TMEM131L: variants seen among roughly 807,000 people sequenced by gnomAD.
TMEM131L encodes the protein transmembrane 131 like.
TMEM131L carries 54 observed loss-of-function variants against 192.2 expected under a neutral mutation model. That is an observed-to-expected ratio of 0.28 (90% confidence interval 0.23 to 0.35). TMEM131L has a LOEUF of 0.35. Ranked by LOEUF, TMEM131L falls within the 10% of genes least tolerant of loss-of-function variation. TMEM131L has a pLI of 1.00. For synonymous variants in TMEM131L, 701 were observed against 704.9 expected (o/e 0.99, Z 0.09); for missense variants, 1,888 against 1,972.9 (o/e 0.96, Z 0.82).
rs780461411 is a variant in TMEM131L, at chr4:153,580,856, G to C, written c.691G>C (p.Val231Leu). The C allele has an allele frequency of 5.6e-6, 9 of 1,612,614 alleles. No individual in the cohort carries two copies. In the Admixed American group the frequency reaches 1.5e-4, roughly 27 times the overall value. Residue 231 changes from valine to leucine, a missense_variant, in exon 8 of 35, where the codon GTG becomes CTG. Transcript: ENST00000409959. ...AETTNTSLLQVQLECSLHNKV... is the reference protein window; with the variant it reads ...AETTNTSLLQLQLECSLHNKV... ...AACCACTAATACTAGCCTCTTGCAG[G>C]TGCAACTGGAATGCAGTTTACATAA... is the stretch of plus-strand genomic sequence containing the variant.
chr4:153,620,884 C>A lies in TMEM131L; in HGVS notation c.3692+4C>A. 1 of 1,573,886 alleles carries A rather than the reference C, an allele frequency of 6.4e-7. No homozygotes were observed. Among genetic ancestry groups the A allele is most frequent in the Non-Finnish European group, 8.6e-7 (1 of 1,166,476 alleles). The stretch of plus-strand genomic sequence containing the variant: ...GGGGTGTTGCTCCAGTCTCAAGGTG[C>A]GTAATTCTTACTATCTCTAATATTT... On this transcript the variant is annotated splice_donor_region_variant and intron_variant, in intron 27 of 34. Coordinates refer to ENST00000409959, the MANE Select transcript of TMEM131L (RefSeq NM_001131007.2).
intron 3 of TMEM131L, among the ~76,000 whole-genome samples, chr4:153,549,869 T>C (rs1014520378): frequency 3.9e-5 from 6 of 152,246 alleles, no homozygotes; most frequent in African/African-American, 1.4e-4. Flanking sequence ...TGATATGAAG[T>C]TCTACTAACC....
intron 25 of TMEM131L, among the ~76,000 whole-genome samples, chr4:153,607,868 G>T (rs1732347612): frequency 6.6e-6 from 1 of 152,230 alleles, no homozygotes; most frequent in African/African-American, 2.4e-5. Context: ...GTGATGGGCA[G>T]ATCACTTGAG....
intron 7 of TMEM131L, among the ~76,000 whole-genome samples, chr4:153,568,550 A>T (rs900175095): frequency 2.2e-4 from 33 of 152,212 alleles, no homozygotes; most frequent in Non-Finnish European, 2.9e-5. Flanking sequence ...TCTGTACTAG[A>T]TTTAACCCCT....
rs180854951 is a variant in TMEM131L at position 153,611,849 on chromosome 4, A to G, written c.3419-403A>G. Among the ~76,000 whole-genome samples the G allele has an allele frequency of 1.9e-3, 292 of 152,308 alleles. 2 individuals are homozygous for G. The highest frequency in any genetic ancestry group is 3.3e-3 in the Non-Finnish European group (227 of 68,026). On this transcript the variant is annotated intron_variant, in intron 25 of 34. Coordinates refer to ENST00000409959, the MANE Select transcript of TMEM131L (RefSeq NM_001131007.2). ...AAACCATCTTGACCATCTTAACCGT[A>G]CAGTTCAGTAGTTTTAAGTATTTCA...
rs1737932069 is a variant in TMEM131L at position 153,555,704 on chromosome 4, A to G, written c.309-83A>G. 1.7e-6 allele frequency: 2 copies of G among 1,174,748 alleles called. No homozygotes were observed. The highest frequency in any genetic ancestry group is 2.7e-5 in the East Asian group (1 of 36,582). The allele number at this position is 1,174,748 out of a possible 1,614,324, so 72.8% of individuals were successfully genotyped here. ...TTTCTGGGTTTAAAAATCTGTGTGT[A>G]TATATATAATAATACATATATATGT... is the stretch of plus-strand genomic sequence containing the variant. On this transcript the variant is annotated intron_variant, in intron 4 of 34. Coordinates refer to ENST00000409959, the MANE Select transcript of TMEM131L (RefSeq NM_001131007.2). The surrounding 1 kb of genome is among the most constrained non-coding windows in gnomAD (Gnocchi z 4.1).
intron 7 of TMEM131L, among the ~76,000 whole-genome samples, chr4:153,569,495 TAC>T (rs1376739708): frequency 6.6e-6 from 1 of 152,248 alleles, no homozygotes; most frequent in African/African-American, 2.4e-5. Flanking sequence ...CAATATCCGG[TAC>T]AGTTTATCAG....
chr4:153,521,153 G>C (rs1282102302), intron 3 of TMEM131L, among the ~76,000 whole-genome samples: 1 of 152,168 alleles, frequency 6.6e-6, no homozygotes, highest in African/African-American at 2.4e-5. Flanking sequence ...GTAGAATGGG[G>C]ATGATACTGA....
chr4:153,535,857 G>C (rs1321311042), intron 3 of TMEM131L, among the ~76,000 whole-genome samples: 1 of 151,924 alleles, frequency 6.6e-6, no homozygotes, highest in Non-Finnish European at 1.5e-5. Flanking sequence ...ATTTTTTTTA[G>C]TTGTAATCTT....
At chr4:153,478,269 G>A (rs1362161229) in intron 3 of TMEM131L, among the ~76,000 whole-genome samples, 1 of 152,074 alleles carries the variant, frequency 6.6e-6, no homozygotes, top group African/African-American at 2.4e-5. Flanking sequence ...CCAAGAATTA[G>A]CTCTGTAAGT....
At chr4:153,560,490 A>G (rs911185507) in intron 7 of TMEM131L, among the ~76,000 whole-genome samples, 3 of 152,260 alleles carry the variant, frequency 2.0e-5, no homozygotes, top group Non-Finnish European at 4.4e-5. Context: ...GTTATGAAAT[A>G]TAATTCACAT....
At chr4:153,525,795 G>A (rs1735428668) in intron 3 of TMEM131L, among the ~76,000 whole-genome samples, 1 of 152,152 alleles carries the variant, frequency 6.6e-6, no homozygotes, top group African/African-American at 2.4e-5. Context: ...GATCTTGTTA[G>A]CTTGGAGATG....
chr4:153,580,264 C>CT (rs1561210005), intron 7 of TMEM131L, among the ~76,000 whole-genome samples: 1 of 152,116 alleles, frequency 6.6e-6, no homozygotes, highest in African/African-American at 2.4e-5. Context: ...GTCTTGCATT[C>CT]TTTTTATATG....
chr4:153,615,251 A>C (rs867541700), intron 26 of TMEM131L, among the ~76,000 whole-genome samples: 1 of 152,268 alleles, frequency 6.6e-6, no homozygotes, highest in African/African-American at 2.4e-5. Flanking sequence ...CTTACAAAGT[A>C]TTGACAAGCA....
At chr4:153,491,688 T>C (rs893226267) in intron 3 of TMEM131L, among the ~76,000 whole-genome samples, 3 of 152,024 alleles carry the variant, frequency 2.0e-5, no homozygotes, top group African/African-American at 7.2e-5. Context: ...GTAGTACTTT[T>C]TTAGAGTGTG....
chr4:153,634,589 C>T (rs1734444536), intron 33 of TMEM131L, among the ~76,000 whole-genome samples: 1 of 152,136 alleles, frequency 6.6e-6, no homozygotes, highest in South Asian at 2.1e-4. Flanking sequence ...GTTGGGTATC[C>T]ATTGGGAAGC....
intron 3 of TMEM131L, among the ~76,000 whole-genome samples, chr4:153,539,492 ATTTTT>A (rs750436196): frequency 0.044 from 4,820 of 110,636 alleles, 210 homozygotes; most frequent in East Asian, 0.24. Flanking sequence ...CAGAGGCTAG[ATTTTT>A]TTTTTTTTTT....
At chr4:153,603,510 TC>T (rs1731996442) in intron 24 of TMEM131L, 58 bp downstream of exon 24, 1 of 1,506,746 alleles carries the variant, frequency 6.6e-7, no homozygotes, top group Admixed American at 2.2e-5. Flanking sequence ...TTGATATTAC[TC>T]ATTTCTGATT....
intron 3 of TMEM131L, among the ~76,000 whole-genome samples, chr4:153,527,649 C>T (rs1561160742): frequency 2.0e-5 from 3 of 152,154 alleles, no homozygotes; most frequent in Admixed American, 6.5e-5. Context: ...CACCCCTGCC[C>T]TGATTTAATG....
Sources: allele counts gnomAD v4.1 joint callset (sites outside exome capture counted in the v4.1 genomes callset), GRCh38; gene constraint gnomAD v4.1.1; non-coding constraint Gnocchi (gnomAD v3.1); transcripts MANE v1.5; gene names NCBI Gene and HGNC (gene_info 2026-07-23, HGNC 2026-07-21).